The following CCSER1 variants were observed in gnomAD, a reference collection of about 807,000 sequenced individuals.
CCSER1 encodes coiled-coil serine rich protein 1.
CCSER1 carries 41 observed loss-of-function variants against 82.0 expected under a neutral mutation model. The observed-to-expected ratio is 0.50, with a 90% CI of 0.39 to 0.65. The LOEUF is 0.65. Ranked by LOEUF, CCSER1 falls within the 30% of genes least tolerant of loss-of-function variation. The pLI, the probability that CCSER1 is intolerant of heterozygous loss-of-function variation, is 0.00. For missense variants in CCSER1, 1,119 were observed against 1,064.2 expected, an observed-to-expected ratio of 1.05 and a Z score of -0.72; for synonymous variants, 414 against 383.9, an observed-to-expected ratio of 1.08 and a Z score of -0.92.
intron 10 of CCSER1, among the ~76,000 whole-genome samples, chr4:91,273,730 G>A (rs1471464840): frequency 2.0e-5 from 3 of 152,096 alleles, no homozygotes; most frequent in Non-Finnish European, 2.9e-5. Context: ...GTATTATGTT[G>A]GCTGTGGGTT....
rs762629208 is a variant in CCSER1, at chr4:90,874,385, T to C, written c.2095-48985T>C. On this transcript the variant is annotated intron_variant, in intron 8 of 10. Transcript: ENST00000509176. Reference sequence around the variant, plus strand: ...TTTAAAATGTTTCTTTTGTTCTTATTTTTGTGAAAATTTGTTATGTCTTTC... The same window carrying C: ...TTTAAAATGTTTCTTTTGTTCTTATCTTTGTGAAAATTTGTTATGTCTTTC... Among the ~76,000 whole-genome samples the C allele has an allele frequency of 4.9e-4, 75 of 152,070 alleles. 1 individual carries two copies. The highest frequency in any genetic ancestry group is 5.1e-4 in the Non-Finnish European group (35 of 68,018).
intron 6 of CCSER1, among the ~76,000 whole-genome samples, chr4:90,683,841 G>C (rs1734324039): frequency 6.6e-6 from 1 of 152,024 alleles, no homozygotes; most frequent in Non-Finnish European, 1.5e-5. Flanking sequence ...TTGTATGTCT[G>C]ACAATAGTCT....
intron 10 of CCSER1, among the ~76,000 whole-genome samples, chr4:91,216,481 G>A (rs1737251276): frequency 6.6e-6 from 1 of 152,000 alleles, no homozygotes. Context: ...CACCACACCC[G>A]GCTAATTTTT....
At chr4:90,479,549 C>T (rs1160735520) in intron 5 of CCSER1, among the ~76,000 whole-genome samples, 1 of 152,028 alleles carries the variant, frequency 6.6e-6, no homozygotes, top group Non-Finnish European at 1.5e-5. Flanking sequence ...ACAACAGGCC[C>T]TGGTGAGTAA....
intron 3 of CCSER1, among the ~76,000 whole-genome samples, chr4:90,353,771 C>T (rs1187229646): frequency 1.3e-5 from 2 of 152,192 alleles, no homozygotes; most frequent in African/African-American, 4.8e-5. Context: ...TCTGATGCTT[C>T]CTTCTACAAT....
At chr4:90,602,630 A>C (rs1409872702) in intron 5 of CCSER1, among the ~76,000 whole-genome samples, 4 of 152,190 alleles carry the variant, frequency 2.6e-5, no homozygotes, top group Non-Finnish European at 1.5e-5. Flanking sequence ...GGATTTGACC[A>C]ATAAAGAATA....
chr4:90,227,930 C>T (rs575329306), intron 1 of CCSER1, among the ~76,000 whole-genome samples: 73 of 152,308 alleles, frequency 4.8e-4, no homozygotes, highest in African/African-American at 1.4e-3. Context: ...TAAAAAACGC[C>T]GCACCAGGAG....
At chr4:90,870,723 C>T (rs988350476) in intron 8 of CCSER1, among the ~76,000 whole-genome samples, 2 of 151,342 alleles carry the variant, frequency 1.3e-5, no homozygotes, top group East Asian at 3.9e-4. Flanking sequence ...AGTACTTCCT[C>T]CTCCTCTATT....
intron 6 of CCSER1, among the ~76,000 whole-genome samples, chr4:90,637,480 G>A (rs958041835): frequency 6.6e-6 from 1 of 152,152 alleles, no homozygotes; most frequent in Non-Finnish European, 1.5e-5. Context: ...AATACCAGGA[G>A]GTAGGGAACA....
At chr4:90,452,400 C>T (rs970429684) in intron 4 of CCSER1, among the ~76,000 whole-genome samples, 4 of 152,168 alleles carry the variant, frequency 2.6e-5, no homozygotes, top group African/African-American at 9.7e-5. Context: ...AGAGGCTCCC[C>T]TTAGAAGACA....
At chr4:90,816,136 C>A (rs1316574983) in intron 8 of CCSER1, among the ~76,000 whole-genome samples, 1 of 152,096 alleles carries the variant, frequency 6.6e-6, no homozygotes, top group Non-Finnish European at 1.5e-5. Context: ...AAGGCTTAGG[C>A]CACATTGTTT....
chr4:91,163,380 TGTG>T (rs1034755628), intron 10 of CCSER1, among the ~76,000 whole-genome samples: 5 of 152,048 alleles, frequency 3.3e-5, no homozygotes, highest in Non-Finnish European at 7.4e-5. Context: ...ATAAGTGTGA[TGTG>T]GTGCTGACAA....
At position 90,628,078 on chromosome 4, in the gene CCSER1, A is replaced by C. The variant is rs1212353073; in HGVS notation, c.1778A>C (p.His593Pro). 1.2e-6 allele frequency: 2 copies of C among 1,613,564 alleles called. No homozygotes were observed. Among genetic ancestry groups the C allele is most frequent in the East Asian group, 4.5e-5 (2 of 44,872 alleles). The change falls in exon 6 of 11, where the codon CAC becomes CCC. Residue 593 changes from histidine (H) to proline (P), a missense_variant. Coordinates refer to ENST00000509176, the MANE Select transcript of CCSER1 (RefSeq NM_001145065.2). ...GTTGATCAAGAAGCCAGGTGTTCCC[A>C]CATCAGCCGAATGCCCAACAGTCCA... ...KDVDQEARCSHISRMPNSPSA... is the reference protein window; with the variant it reads ...KDVDQEARCSPISRMPNSPSA...
intron 9 of CCSER1, among the ~76,000 whole-genome samples, chr4:91,032,513 G>T (rs1188780218): frequency 1.3e-5 from 2 of 152,284 alleles, no homozygotes; most frequent in African/African-American, 2.4e-5. Context: ...TGAAAAGCAA[G>T]AAATAATTTA....
intron 10 of CCSER1, among the ~76,000 whole-genome samples, chr4:91,467,211 A>C (rs1756965872): frequency 6.6e-6 from 1 of 151,066 alleles, no homozygotes. Context: ...ACACATCTAC[A>C]ACCATCTTTG....
chr4:91,085,818 G>A, intron 9 of CCSER1, 132 bp from the exon 10 acceptor site: 1 of 625,236 alleles, frequency 1.6e-6, no homozygotes. Flanking sequence ...CCATGAGATA[G>A]TCATCTATAT....
intron 10 of CCSER1, among the ~76,000 whole-genome samples, chr4:91,591,157 C>T (rs1407671251): frequency 6.6e-6 from 1 of 152,028 alleles, no homozygotes; most frequent in African/African-American, 2.4e-5. Context: ...CTGCAATGTA[C>T]ATGATGGTCC....
chr4:91,046,910 C>T (rs186501671), intron 9 of CCSER1, among the ~76,000 whole-genome samples: 123 of 152,030 alleles, frequency 8.1e-4, no homozygotes, highest in African/African-American at 2.7e-3. Context: ...TAGAGACAGG[C>T]TTTCAGCATG....
At chr4:90,200,125 G>T in intron 1 of CCSER1, among the ~76,000 whole-genome samples, 1 of 149,578 alleles carries the variant, frequency 6.7e-6, no homozygotes, top group East Asian at 2.1e-4. Flanking sequence ...GCCTAATTAG[G>T]CTGTTAGCCT....
Sources: allele counts gnomAD v4.1 joint callset (sites outside exome capture counted in the v4.1 genomes callset), GRCh38; gene constraint gnomAD v4.1.1; transcripts MANE v1.5; gene names NCBI Gene and HGNC (gene_info 2026-07-23, HGNC 2026-07-21).